PCGF3: variants seen among roughly 807,000 people sequenced by gnomAD.
PCGF3 encodes polycomb group ring finger 3, also known as polycomb group RING finger protein 3.
PCGF3 carries 7 observed loss-of-function variants against 33.1 expected under a neutral mutation model. That is an observed-to-expected ratio of 0.21 (90% CI 0.12 to 0.40). The LOEUF is 0.40. PCGF3 is among the 10% of genes least tolerant of loss of function. PCGF3 has a pLI of 1.00. For missense variants in PCGF3, 211 were observed against 313.3 expected (o/e 0.67, Z 2.46); for synonymous variants, 153 against 121.3 (o/e 1.26, Z -1.72).
At chr4:724,511 A>C (rs1000894808) in intron 1 of PCGF3, among the ~76,000 whole-genome samples, 2 of 152,140 alleles carry the variant, frequency 1.3e-5, no homozygotes, top group Non-Finnish European at 2.9e-5. Flanking sequence ...TTACTTCATA[A>C]AATACTCCAG....
chr4:733,130 C>T (rs141757120), intron 3 of PCGF3, among the ~76,000 whole-genome samples: 1 of 151,958 alleles, frequency 6.6e-6, no homozygotes, highest in Non-Finnish European at 1.5e-5. Flanking sequence ...CTGGGAGACA[C>T]AGCCTCAGGA....
At chr4:736,426 G>A (rs1743822775) in intron 5 of PCGF3, among the ~76,000 whole-genome samples, 1 of 152,246 alleles carries the variant, frequency 6.6e-6, no homozygotes, top group South Asian at 2.1e-4. Context: ...AAGACCAGGA[G>A]ACCCCAGGAA....
chr4:748,779 G>A (rs1744383826), intron 8 of PCGF3, among the ~76,000 whole-genome samples: 1 of 152,170 alleles, frequency 6.6e-6, no homozygotes, highest in Admixed American at 6.5e-5. Flanking sequence ...CTGTTTTTCT[G>A]TCTCTGGTGT....
At chr4:707,675 G>T (rs188485851) in intron 1 of PCGF3, among the ~76,000 whole-genome samples, 1 of 95,030 alleles carries the variant, frequency 1.1e-5, no homozygotes, top group Non-Finnish European at 2.4e-5. Context: ...CGGGACCCTG[G>T]GACAGCTCTG....
chr4:715,200 T>A, intron 1 of PCGF3, among the ~76,000 whole-genome samples: 2 of 121,330 alleles, frequency 1.6e-5, no homozygotes, highest in Admixed American at 8.6e-5. Flanking sequence ...ACTGCGAGTG[T>A]GAGAACTGGG....
At chr4:737,788 G>A (rs1213248678) in intron 6 of PCGF3, among the ~76,000 whole-genome samples, 3 of 152,254 alleles carry the variant, frequency 2.0e-5, no homozygotes, top group Admixed American at 1.3e-4. Context: ...AGGGCTCAAC[G>A]CAGCTCCTGC....
intron 9 of PCGF3, chr4:762,795 T>G (rs1745135672): frequency 6.6e-6 from 1 of 152,338 alleles, no homozygotes; most frequent in Admixed American, 6.5e-5. Flanking sequence ...TTTCTATTGT[T>G]TGAAGACACC....
chr4:756,233 T>G (rs2152612504), intron 8 of PCGF3, among the ~76,000 whole-genome samples: 1 of 142,366 alleles, frequency 7.0e-6, no homozygotes, highest in Non-Finnish European at 1.5e-5. Context: ...TTTTTTGAGA[T>G]GTAGTCTTAT....
rs1560198915 is a variant in PCGF3, at chr4:721,794, G to C, written c.-189-8836G>C. ...ATGGGTTGGGTGGCTCTGTGTATGG[G>C]CATGGGGAGGGGCCTGTGGGAGGTG... is the stretch of plus-strand genomic sequence containing the variant. On this transcript the variant is annotated intron_variant, in intron 1 of 10. Transcript: ENST00000362003. This position sits in a 1 kb window ranked among gnomAD's most constrained non-coding sequence, Gnocchi z 4.1. Among the ~76,000 whole-genome samples, 2 of 117,756 alleles carry C rather than the reference G, an allele frequency of 1.7e-5. No homozygotes were observed. The highest frequency in any genetic ancestry group is 5.4e-5 in the African/African-American group (2 of 36,928). 77.3% of individuals were successfully genotyped at this position (117,756 alleles called of 152,430 possible).
chr4:763,519 A>G (rs1745186357), intron 9 of PCGF3, among the ~76,000 whole-genome samples: 1 of 152,216 alleles, frequency 6.6e-6, no homozygotes, highest in African/African-American at 2.4e-5. Flanking sequence ...ACGCAAGGAA[A>G]ACTGCGTGGC....
chr4:720,905 G>T lies in PCGF3; in HGVS notation c.-189-9725G>T, dbSNP rs961816358. Among the ~76,000 whole-genome samples, 1 of 152,206 alleles carries T rather than the reference G, an allele frequency of 6.6e-6. No individual in the cohort carries two copies. Among genetic ancestry groups the T allele is most frequent in the African/African-American group, 2.4e-5 (1 of 41,454 alleles). Reference sequence around the variant, plus strand: ...TGGAGGGTGAATTAGTGCGAGGGCGGCTTGGAGAAGCCTGTCCTGGGCGGG... The same window carrying T: ...TGGAGGGTGAATTAGTGCGAGGGCGTCTTGGAGAAGCCTGTCCTGGGCGGG... On this transcript the variant is annotated intron_variant, in intron 1 of 10. Coordinates refer to ENST00000362003, the Ensembl canonical transcript of PCGF3. The surrounding 1 kb of genome is among the most constrained non-coding windows in gnomAD (Gnocchi z 5.6).
rs1341384674 is a variant in PCGF3, at chr4:721,638, G to A, written c.-189-8992G>A. The stretch of plus-strand genomic sequence containing the variant: ...CTCCTGGTGAGCGGGGCTGCTGAAC[G>A]CAGGCCCCAGGGCCTGTAGGACCCT... On this transcript the variant is annotated intron_variant, in intron 1 of 10. Transcript: ENST00000362003. The surrounding 1 kb of genome is among the most constrained non-coding windows in gnomAD (Gnocchi z 4.1). Among the ~76,000 whole-genome samples, 1 of 152,158 alleles carries A rather than the reference G, an allele frequency of 6.6e-6. No homozygotes were observed. Among genetic ancestry groups the A allele is most frequent in the Non-Finnish European group, 1.5e-5 (1 of 68,030 alleles).
At chr4:717,102 C>T (rs1275337201) in intron 1 of PCGF3, among the ~76,000 whole-genome samples, 1 of 92,790 alleles carries the variant, frequency 1.1e-5, no homozygotes, top group African/African-American at 4.5e-5. Context: ...AGCGTCGGTG[C>T]TGGGACCCTG....
intron 1 of PCGF3, among the ~76,000 whole-genome samples, chr4:714,904 C>T (rs1252334129): frequency 2.0e-5 from 3 of 152,202 alleles, no homozygotes; most frequent in East Asian, 1.9e-4. Flanking sequence ...CAGAACTGGG[C>T]GTCGGTTCTG....
intron 1 of PCGF3, among the ~76,000 whole-genome samples, chr4:714,498 G>A (rs954310055): frequency 2.0e-5 from 3 of 152,110 alleles, no homozygotes; most frequent in African/African-American, 7.2e-5. Flanking sequence ...CCTACTTCAC[G>A]GCGTTACCTG....
intron 1 of PCGF3, among the ~76,000 whole-genome samples, chr4:709,593 G>T (rs934448475): frequency 2.0e-5 from 3 of 152,268 alleles, no homozygotes. Flanking sequence ...AGGCAGGGCC[G>T]CTCTTCAGAG....
intron 8 of PCGF3, among the ~76,000 whole-genome samples, chr4:750,094 C>T (rs902819704): frequency 6.6e-5 from 10 of 152,272 alleles, no homozygotes; most frequent in African/African-American, 2.2e-4. Context: ...CGTGAGCCCA[C>T]GTGCCCGCCA....
At chr4:734,599 A>G in intron 4 of PCGF3, 4 of 1,175,030 alleles carry the variant, frequency 3.4e-6, no homozygotes, top group South Asian at 6.2e-5. Context: ...AGGACAAAGT[A>G]TTGTAAAATT....
At chr4:732,880 C>G (rs766694644) in intron 3 of PCGF3, among the ~76,000 whole-genome samples, 1 of 152,246 alleles carries the variant, frequency 6.6e-6, no homozygotes, top group African/African-American at 2.4e-5. Context: ...GCCTCAAGCA[C>G]AGAAGCAAAT....
Sources: gnomAD v4.1 joint callset for allele counts (sites outside exome capture counted in the v4.1 genomes callset) on GRCh38, gnomAD v4.1.1 for gene constraint, Gnocchi (gnomAD v3.1) non-coding constraint, MANE v1.5 for transcripts, NCBI Gene and HGNC (gene_info 2026-07-23, HGNC 2026-07-21) for gene names.